LRMDA: variants seen among roughly 807,000 people sequenced by gnomAD.
LRMDA encodes the protein leucine-rich melanocyte differentiation-associated protein.
Under a neutral mutation model 29.8 loss-of-function variants are expected in LRMDA, and 18 were observed. The observed-to-expected ratio is 0.60, with a 90% CI of 0.42 to 0.90. The LOEUF (loss-of-function observed/expected upper bound fraction) is 0.90, where lower values mean the gene tolerates loss of function less well. LRMDA is among the 40% of genes least tolerant of loss of function. The pLI is 0.00. For missense variants in LRMDA, 273 were observed against 273.9 expected (o/e 1.00, Z 0.02); for synonymous variants, 125 against 109.4 (o/e 1.14, Z -0.89).
chr10:76,057,270 AG>A (rs1188468839), intron 4 of LRMDA, among the ~76,000 whole-genome samples: 1 of 152,202 alleles, frequency 6.6e-6, no homozygotes, highest in African/African-American at 2.4e-5. Flanking sequence ...TCTCCATGTG[AG>A]TGTATAATTT....
At chr10:75,631,671 C>T (rs867099040) in intron 2 of LRMDA, among the ~76,000 whole-genome samples, 3 of 152,108 alleles carry the variant, frequency 2.0e-5, no homozygotes, top group African/African-American at 4.8e-5. Flanking sequence ...GGGTGTAATT[C>T]GCCTTGACAT....
At chr10:75,940,589 T>TA (rs1163406864) in intron 2 of LRMDA, among the ~76,000 whole-genome samples, 2 of 152,190 alleles carry the variant, frequency 1.3e-5, no homozygotes, top group Non-Finnish European at 2.9e-5. Context: ...TGTCTTGTGT[T>TA]AGAGTAGCTT....
chr10:76,440,548 G>A (rs1842291237), intron 6 of LRMDA, among the ~76,000 whole-genome samples: 1 of 236 alleles, frequency 4.2e-3, no homozygotes, highest in Admixed American at 0.12. Flanking sequence ...CACTTAGTCT[G>A]ATCTTCCCTC....
At chr10:75,538,291 AAAGCGG>A (rs1410762908) in intron 2 of LRMDA, among the ~76,000 whole-genome samples, 11 of 152,182 alleles carry the variant, frequency 7.2e-5, no homozygotes, top group African/African-American at 2.7e-4. Context: ...ACAGAGACTG[AAAGCGG>A]TGCAGCGATT....
chr10:76,250,415 T>G (rs574256549), intron 5 of LRMDA, among the ~76,000 whole-genome samples: 3 of 152,340 alleles, frequency 2.0e-5, no homozygotes, highest in East Asian at 3.9e-4. Flanking sequence ...TGTTATGATA[T>G]GTATGTACTT....
chr10:76,254,330 C>CATACCATACT (rs1852544129), intron 5 of LRMDA, among the ~76,000 whole-genome samples: 2 of 143,814 alleles, frequency 1.4e-5, no homozygotes, highest in Non-Finnish European at 3.0e-5. Context: ...CATACCATAC[C>CATACCATACT]ATACCATACC....
At chr10:75,740,354 C>T (rs777765221) in intron 2 of LRMDA, among the ~76,000 whole-genome samples, 9 of 152,096 alleles carry the variant, frequency 5.9e-5, no homozygotes, top group African/African-American at 1.2e-4. Flanking sequence ...TGTCTGCTTG[C>T]GGCATCACTG....
At chr10:75,593,730 C>G (rs1840750639) in intron 2 of LRMDA, among the ~76,000 whole-genome samples, 2 of 152,192 alleles carry the variant, frequency 1.3e-5, no homozygotes, top group African/African-American at 4.8e-5. Context: ...TTTACTGATT[C>G]CATGGAAGTT....
intron 6 of LRMDA, among the ~76,000 whole-genome samples, chr10:76,547,519 T>TTTATTTATTTATTTATTTA (rs1156633241): frequency 6.7e-6 from 1 of 149,740 alleles, no homozygotes; most frequent in East Asian, 2.0e-4. Context: ...TTATTTATTT[T>TTTATTTATTTATTTATTTA]AAGCAAGCGG....
chr10:76,081,199 G>T (rs562673896), intron 5 of LRMDA, among the ~76,000 whole-genome samples: 2 of 152,304 alleles, frequency 1.3e-5, no homozygotes, highest in South Asian at 2.1e-4. Flanking sequence ...TATCTGGCAG[G>T]ATGCGGTGAC....
At chr10:75,842,366 G>C (rs1252943974) in intron 2 of LRMDA, among the ~76,000 whole-genome samples, 2 of 151,976 alleles carry the variant, frequency 1.3e-5, no homozygotes, top group African/African-American at 4.8e-5. Flanking sequence ...TCTCTTGTTA[G>C]TTTCTCCATA....
At chr10:75,440,317 A>G (rs1449280260) in intron 2 of LRMDA, among the ~76,000 whole-genome samples, 1 of 150,676 alleles carries the variant, frequency 6.6e-6, no homozygotes, top group Non-Finnish European at 1.5e-5. Flanking sequence ...TTGAGAGGAG[A>G]GACATTTCTG....
chr10:76,299,335 T>C (rs925231571), intron 5 of LRMDA, among the ~76,000 whole-genome samples: 2 of 152,174 alleles, frequency 1.3e-5, no homozygotes, highest in African/African-American at 4.8e-5. Context: ...GGAGAGTAGG[T>C]TTAATAAAAT....
At chr10:76,520,578 A>C (rs1265260761) in intron 6 of LRMDA, among the ~76,000 whole-genome samples, 1 of 152,068 alleles carries the variant, frequency 6.6e-6, no homozygotes, top group Non-Finnish European at 1.5e-5. Flanking sequence ...AGGATTCTAA[A>C]GTAAGAAATA....
chr10:76,153,139 T>C (rs1388799519), intron 5 of LRMDA, among the ~76,000 whole-genome samples: 1 of 152,106 alleles, frequency 6.6e-6, no homozygotes, highest in Admixed American at 6.6e-5. Context: ...ACGCCTGGCC[T>C]TTTTTGGCTA....
rs79185501 is a variant in LRMDA, at chr10:75,532,181, T to C, written c.131+93687T>C. ...TGGGCTGTTATTTGTCTTGTTGCTG[T>C]CTTCATTATTTTCCTAACATCTCAG... is the stretch of plus-strand genomic sequence containing the variant. On this transcript the variant is annotated intron_variant, in intron 2 of 6. Transcript: ENST00000611255. Among the ~76,000 whole-genome samples, 66 of 152,236 alleles carry C rather than the reference T, an allele frequency of 4.3e-4. No homozygotes were observed. In the East Asian group the frequency reaches 0.012, roughly 27 times the overall value.
intron 6 of LRMDA, among the ~76,000 whole-genome samples, chr10:76,511,051 A>G (rs531437176): frequency 2.0e-5 from 3 of 152,156 alleles, no homozygotes; most frequent in African/African-American, 7.2e-5. Flanking sequence ...AATTGTCTCT[A>G]TTTTTTGCTA....
chr10:75,859,203 C>T (rs574531302), intron 2 of LRMDA, among the ~76,000 whole-genome samples: 1 of 152,202 alleles, frequency 6.6e-6, no homozygotes, highest in East Asian at 1.9e-4. Context: ...TGCATATGTA[C>T]AGGTGTTTCT....
intron 1 of LRMDA, among the ~76,000 whole-genome samples, chr10:75,434,114 T>C (rs1844238120): frequency 2.0e-5 from 3 of 152,326 alleles, no homozygotes; most frequent in African/African-American, 7.2e-5. Context: ...TTCTCTTTCC[T>C]CTAGCTTATG....
Sources: gnomAD v4.1 joint callset for allele counts (sites outside exome capture counted in the v4.1 genomes callset) on GRCh38, gnomAD v4.1.1 for gene constraint, MANE v1.5 for transcripts, NCBI Gene and HGNC (gene_info 2026-07-23, HGNC 2026-07-21) for gene names.